The following MYPN variants were observed in gnomAD, a reference collection of about 807,000 sequenced individuals.
MYPN encodes the protein sarcomeric protein myopalladin, 145 kDa (MYOP).
MYPN carries 63 observed loss-of-function variants against 129.4 expected under a neutral mutation model. The observed-to-expected ratio is 0.49, with a 90% CI of 0.40 to 0.60. The LOEUF is 0.60. MYPN is among the 20% of genes least tolerant of loss of function. MYPN has a pLI of 0.00. For missense variants in MYPN, 1,596 were observed against 1,635.4 expected (o/e 0.98, Z 0.42); for synonymous variants, 629 against 600.9 (o/e 1.05, Z -0.68).
intron 19 of MYPN, among the ~76,000 whole-genome samples, chr10:68,208,041 T>C (rs1361719476): frequency 1.3e-5 from 2 of 152,198 alleles, no homozygotes; most frequent in African/African-American, 4.8e-5. Context: ...ACATTTCCAA[T>C]TTTCAAAAGG....
At chr10:68,175,586 C>T in intron 12 of MYPN, 125 bp downstream of exon 12, 1 of 1,041,142 alleles carries the variant, frequency 9.6e-7, no homozygotes, top group Non-Finnish European at 1.5e-6. Flanking sequence ...GATGGTAGAG[C>T]ACAGACTAAC....
intron 15 of MYPN, among the ~76,000 whole-genome samples, chr10:68,195,841 T>C (rs146049213): frequency 2.6e-4 from 40 of 152,264 alleles, no homozygotes; most frequent in African/African-American, 9.1e-4. Context: ...CTCACTTTGT[T>C]GCCCAGGCTG....
At chr10:68,203,278 G>C (rs545245834) in intron 18 of MYPN, among the ~76,000 whole-genome samples, 14 of 152,140 alleles carry the variant, frequency 9.2e-5, no homozygotes, top group Non-Finnish European at 2.1e-4. Flanking sequence ...CAAGATGCCT[G>C]TCATTTTAAT....
intron 1 of MYPN, among the ~76,000 whole-genome samples, chr10:68,089,030 C>T (rs1227110276): frequency 1.3e-5 from 2 of 152,040 alleles, no homozygotes; most frequent in African/African-American, 2.4e-5. Context: ...TTTGTGAGTT[C>T]GTTTGTTTGT....
intron 2 of MYPN, among the ~76,000 whole-genome samples, chr10:68,129,921 T>G (rs2042383529): frequency 6.6e-6 from 1 of 152,184 alleles, no homozygotes. Flanking sequence ...GCATTTTGGA[T>G]TACATATTTT....
chr10:68,140,048 A>G (rs1224478855), intron 2 of MYPN, among the ~76,000 whole-genome samples: 1 of 152,188 alleles, frequency 6.6e-6, no homozygotes, highest in Non-Finnish European at 1.5e-5. Context: ...AGGGTCAGGG[A>G]GGGCCTCTCT....
chr10:68,192,472 C>CTGT (rs1462379042), intron 13 of MYPN, among the ~76,000 whole-genome samples: 1 of 149,428 alleles, frequency 6.7e-6, no homozygotes, highest in African/African-American at 2.6e-5. Context: ...GTTGTTGTTG[C>CTGT]TGTTGTTGTT....
At chr10:68,156,779 G>T (rs570720935) in intron 6 of MYPN, among the ~76,000 whole-genome samples, 2 of 152,154 alleles carry the variant, frequency 1.3e-5, no homozygotes, top group African/African-American at 2.4e-5. Context: ...GAGAAAAAAC[G>T]ATTGGCTTTC....
At chr10:68,130,071 A>T (rs2042385688) in intron 2 of MYPN, among the ~76,000 whole-genome samples, 1 of 152,134 alleles carries the variant, frequency 6.6e-6, no homozygotes, top group Non-Finnish European at 1.5e-5. Flanking sequence ...TTGACCTTTC[A>T]GGACTCTTGT....
intron 10 of MYPN, 27 bp from the exon 11 acceptor site, chr10:68,174,039 C>A: frequency 6.5e-7 from 1 of 1,535,164 alleles, no homozygotes; most frequent in Non-Finnish European, 9.0e-7. Context: ...ATTTCCTTCT[C>A]TCTCTCCACC....
At position 68,193,661 on chromosome 10, in the gene MYPN, T is replaced by A. The variant is rs149690764; in HGVS notation, c.2926-702T>A. 1.2e-3 allele frequency among the ~76,000 whole-genome samples: 181 copies of A among 152,292 alleles called. 3 individuals are homozygous for A. Among genetic ancestry groups the A allele is most frequent in the African/African-American group, 4.2e-3 (173 of 41,554 alleles). On this transcript the variant is annotated intron_variant, in intron 13 of 19. Coordinates refer to ENST00000358913, the MANE Select transcript of MYPN (RefSeq NM_032578.4). ...TCTACTTTCATAAACATTAGCATAGTGTTATCATGTATGGTTAGGTAACCA... is the reference window on the plus strand; with the variant it reads ...TCTACTTTCATAAACATTAGCATAGAGTTATCATGTATGGTTAGGTAACCA...
chr10:68,163,900 C>T (rs753654143), intron 8 of MYPN, among the ~76,000 whole-genome samples: 1 of 152,166 alleles, frequency 6.6e-6, no homozygotes, highest in African/African-American at 2.4e-5. Flanking sequence ...CAATATCACA[C>T]TGACTGGAAT....
intron 2 of MYPN, among the ~76,000 whole-genome samples, chr10:68,140,162 G>A (rs2042553704): frequency 6.6e-6 from 1 of 152,134 alleles, no homozygotes; most frequent in African/African-American, 2.4e-5. Context: ...CCAAAGTGGG[G>A]AAAAGCTTAT....
intron 7 of MYPN, 110 bp downstream of exon 7, chr10:68,158,737 T>TA: frequency 1.2e-6 from 1 of 801,474 alleles, no homozygotes; most frequent in South Asian, 1.8e-5. Flanking sequence ...TCAAAAAGAA[T>TA]AAAAAACACC....
intron 1 of MYPN, among the ~76,000 whole-genome samples, chr10:68,121,003 G>A (rs2133991696): frequency 6.6e-6 from 1 of 152,234 alleles, no homozygotes; most frequent in Middle Eastern, 3.4e-3. Context: ...AAGGGGGAGG[G>A]CACAGTGGCT....
At chr10:68,177,881 C>T (rs2043252624) in intron 12 of MYPN, among the ~76,000 whole-genome samples, 1 of 152,126 alleles carries the variant, frequency 6.6e-6, no homozygotes. Context: ...GGTTCTCTTG[C>T]CCTATTTTAG....
rs370478990 is a variant in MYPN at position 68,134,455 on chromosome 10, CTG to C, written c.903-8483_903-8482del. On this transcript the variant is annotated intron_variant, in intron 2 of 19. Coordinates refer to ENST00000358913, the MANE Select transcript of MYPN (RefSeq NM_032578.4). ...ATGTTTAAAAAAACTATTTTAGGAA[CTG>C]TTTTCATCTTCACATTTATTCATCC... Among the ~76,000 whole-genome samples the C allele has an allele frequency of 6.7e-4, 102 of 152,302 alleles. 3 individuals are homozygous for C. In the East Asian group the frequency reaches 0.019, roughly 29 times the overall value.
At position 68,156,904 on chromosome 10, in the gene MYPN, C is replaced by G. The variant is rs546730900; in HGVS notation, c.1318-1582C>G. Among the ~76,000 whole-genome samples, 415 of 152,282 alleles carry G rather than the reference C, an allele frequency of 2.7e-3. 5 individuals are homozygous for G. Among genetic ancestry groups the G allele is most frequent in the African/African-American group, 9.6e-3 (397 of 41,560 alleles). On this transcript the variant is annotated intron_variant, in intron 6 of 19. Transcript: ENST00000358913. ...GTTTGTGGAGGAAGTTTAATTGTAACCTTTTTTATGCTTACAGTCTTTGGG... is the reference window on the plus strand; with the variant it reads ...GTTTGTGGAGGAAGTTTAATTGTAAGCTTTTTTATGCTTACAGTCTTTGGG...
intron 1 of MYPN, among the ~76,000 whole-genome samples, chr10:68,092,670 G>C (rs1464005507): frequency 2.0e-5 from 3 of 152,118 alleles, no homozygotes; most frequent in Non-Finnish European, 4.4e-5. Flanking sequence ...TAGGAGTGCT[G>C]TATGATGCTT....
Sources: allele counts gnomAD v4.1 joint callset (sites outside exome capture counted in the v4.1 genomes callset), GRCh38; gene constraint gnomAD v4.1.1; transcripts MANE v1.5; gene names NCBI Gene and HGNC (gene_info 2026-07-23, HGNC 2026-07-21).